The following CDC42SE2 variants were observed in gnomAD, a reference collection of about 807,000 sequenced individuals.
CDC42SE2 encodes CDC42 small effector 2, also known as CDC42 small effector protein 2.
In CDC42SE2, 3 loss-of-function variants were observed where a neutral mutation model predicts 11.5. That is an observed-to-expected ratio of 0.26 (90% CI 0.12 to 0.67). The LOEUF is 0.67. Among genes scored for constraint, CDC42SE2 ranks in the 30% least tolerant of loss-of-function variants. The probability of loss-of-function intolerance (pLI) is 0.80; values close to 1 mark genes in which losing one functional copy is unlikely to be tolerated. For missense variants in CDC42SE2, 82 were observed against 106.8 expected (o/e 0.77, Z 1.02); for synonymous variants, 33 against 34.8 (o/e 0.95, Z 0.18).
rs1306893150 is a variant in CDC42SE2, at chr5:131,391,313, G to A, written c.*222G>A. On this transcript the variant is annotated 3_prime_UTR_variant, in exon 5 of 5. Coordinates refer to ENST00000505065, the MANE Select transcript of CDC42SE2 (RefSeq NM_001375635.1). Reference sequence around the variant, plus strand: ...AACTTTAAATACTTTAAAACATCTGGTTGGGGAGGATTCTGATGACAAGAT... The same window carrying A: ...AACTTTAAATACTTTAAAACATCTGATTGGGGAGGATTCTGATGACAAGAT... The A allele has an allele frequency of 1.5e-5, 3 of 194,162 alleles. No individual in the cohort carries two copies. Among genetic ancestry groups the A allele is most frequent in the Non-Finnish European group, 3.1e-5 (3 of 97,682 alleles). 12.0% of individuals were successfully genotyped at this position (194,162 alleles called of 1,614,324 possible).
chr5:131,263,962 A>C (rs1756792577), upstream of CDC42SE2: 1 of 151,268 alleles, frequency 6.6e-6, no homozygotes, highest in Non-Finnish European at 1.5e-5. Flanking sequence ...GCAGCTGCGC[A>C]ACGGCGCCCG....
At chr5:131,347,201 A>G (rs534576709) in intron 2 of CDC42SE2, among the ~76,000 whole-genome samples, 4 of 152,314 alleles carry the variant, frequency 2.6e-5, no homozygotes, top group African/African-American at 9.6e-5. Flanking sequence ...AAATCAATGA[A>G]TCCAGGAGTT....
chr5:131,330,851 CAAAAAAAAAA>C (rs912955913), intron 2 of CDC42SE2, among the ~76,000 whole-genome samples: 3 of 58,154 alleles, frequency 5.2e-5, no homozygotes, highest in African/African-American at 1.7e-4. Context: ...CCTGCCTTTA[CAAAAAAAAAA>C]AAAAAAAAAA....
the CDC42SE2 span, among the ~76,000 whole-genome samples, chr5:131,232,288 G>GT: frequency 7.9e-5 from 12 of 150,968 alleles, no homozygotes; most frequent in African/African-American, 2.9e-4. Context: ...TAATTTTTGT[G>GT]TTTTTTGTGG....
chr5:131,382,638 C>T (rs1750358423), intron 3 of CDC42SE2, among the ~76,000 whole-genome samples: 1 of 152,188 alleles, frequency 6.6e-6, no homozygotes, highest in Non-Finnish European at 1.5e-5. Context: ...CCAAGTGGCT[C>T]TCTCTGCATA....
At chr5:131,367,712 G>T (rs191484462) in intron 3 of CDC42SE2, among the ~76,000 whole-genome samples, 2 of 151,930 alleles carry the variant, frequency 1.3e-5, no homozygotes, top group Non-Finnish European at 2.9e-5. Context: ...TCCCTCTTAC[G>T]TTCTGAATAC....
intron 2 of CDC42SE2, among the ~76,000 whole-genome samples, chr5:131,323,885 A>C (rs1213025309): frequency 6.6e-6 from 1 of 152,180 alleles, no homozygotes; most frequent in Non-Finnish European, 1.5e-5. Context: ...CAAGAGCAAG[A>C]TCAGTTGTTA....
intron 2 of CDC42SE2, among the ~76,000 whole-genome samples, chr5:131,348,344 A>G (rs1353473312): frequency 3.9e-5 from 6 of 152,186 alleles, no homozygotes; most frequent in Admixed American, 3.9e-4. Context: ...ATTCTTATAC[A>G]TCAATAACAG....
chr5:131,288,173 A>G (rs1015617156), intron 1 of CDC42SE2, among the ~76,000 whole-genome samples: 3 of 151,952 alleles, frequency 2.0e-5, no homozygotes, highest in African/African-American at 4.8e-5. Context: ...ACAGTGGGTC[A>G]TGATCATCCC....
intron 1 of CDC42SE2, among the ~76,000 whole-genome samples, chr5:131,279,535 C>A (rs547073797): frequency 1.4e-5 from 2 of 141,074 alleles, no homozygotes; most frequent in African/African-American, 5.2e-5. Flanking sequence ...TACTTATTAC[C>A]CTTTAAGTGC....
chr5:131,336,652 T>C (rs1326501610), intron 2 of CDC42SE2, among the ~76,000 whole-genome samples: 1 of 152,226 alleles, frequency 6.6e-6, no homozygotes, highest in East Asian at 1.9e-4. Context: ...CCATATTTCT[T>C]GGAGGCTTTG....
At chr5:131,339,581 C>T (rs973748994) in intron 2 of CDC42SE2, among the ~76,000 whole-genome samples, 17 of 151,972 alleles carry the variant, frequency 1.1e-4, no homozygotes, top group African/African-American at 3.9e-4. Flanking sequence ...CTAAGGCGGG[C>T]AGATCATCTC....
chr5:131,250,266 T>C (rs1021504924), intron 1 of CDC42SE2, among the ~76,000 whole-genome samples: 23 of 152,316 alleles, frequency 1.5e-4, no homozygotes, highest in African/African-American at 5.5e-4. Context: ...TAATCTGTGG[T>C]ACATTTCAAC....
intron 2 of CDC42SE2, among the ~76,000 whole-genome samples, chr5:131,322,710 G>T (rs577109408): frequency 1.3e-5 from 2 of 152,006 alleles, no homozygotes; most frequent in African/African-American, 4.8e-5. Flanking sequence ...TGGACATTTG[G>T]GTTGCTTCTA....
chr5:131,220,608 A>G, the CDC42SE2 span, among the ~76,000 whole-genome samples: 1 of 152,166 alleles, frequency 6.6e-6, no homozygotes, highest in Admixed American at 6.5e-5. Context: ...TCCATTATAG[A>G]TGTAGAAAAC....
intron 2 of CDC42SE2, among the ~76,000 whole-genome samples, chr5:131,349,379 T>A (rs943669495): frequency 1.3e-5 from 2 of 150,836 alleles, no homozygotes; most frequent in African/African-American, 4.9e-5. Flanking sequence ...TTAGGAGATA[T>A]ACCTAATGTA....
chr5:131,257,393 G>A (rs1580716337), intron 2 of CDC42SE2, among the ~76,000 whole-genome samples: 1 of 151,902 alleles, frequency 6.6e-6, no homozygotes, highest in Non-Finnish European at 1.5e-5. Flanking sequence ...CACCGTGCCC[G>A]GCCTCATGAT....
intron 2 of CDC42SE2, among the ~76,000 whole-genome samples, chr5:131,332,878 A>T (rs1297122864): frequency 2.0e-5 from 3 of 152,234 alleles, no homozygotes; most frequent in Non-Finnish European, 4.4e-5. Flanking sequence ...GCCCTGTGTC[A>T]GATGAGTAGG....
chr5:131,257,541 G>A (rs1437789445), intron 2 of CDC42SE2, among the ~76,000 whole-genome samples: 2 of 150,170 alleles, frequency 1.3e-5, no homozygotes, highest in Non-Finnish European at 2.9e-5. Flanking sequence ...GCAGTGGCAC[G>A]ATCTTGGCTC....
Sources: gnomAD v4.1 joint callset for allele counts (sites outside exome capture counted in the v4.1 genomes callset) on GRCh38, gnomAD v4.1.1 for gene constraint, MANE v1.5 for transcripts, NCBI Gene and HGNC (gene_info 2026-07-23, HGNC 2026-07-21) for gene names.